DGKB: variants seen among roughly 807,000 people sequenced by gnomAD.
DGKB encodes diacylglycerol kinase beta.
Under a neutral mutation model 114.3 loss-of-function variants are expected in DGKB, and 67 were observed. That is an observed-to-expected ratio of 0.59 (90% CI 0.48 to 0.72). DGKB has a LOEUF of 0.72. Ranked by LOEUF, DGKB falls within the 30% of genes least tolerant of loss-of-function variation. The pLI is 0.00. For synonymous variants in DGKB, 398 were observed against 323.1 expected, an observed-to-expected ratio of 1.23 and a Z score of -2.49; for missense variants, 907 against 975.2, an observed-to-expected ratio of 0.93 and a Z score of 0.93.
chr7:14,561,306 T>C (rs1202628270), intron 20 of DGKB, among the ~76,000 whole-genome samples: 1 of 152,194 alleles, frequency 6.6e-6, no homozygotes, highest in African/African-American at 2.4e-5. Context: ...TCTCCAGCCA[T>C]GTGAATCTGT....
chr7:14,533,286 A>T (rs796935322), intron 20 of DGKB, among the ~76,000 whole-genome samples: 65 of 151,934 alleles, frequency 4.3e-4, no homozygotes, highest in African/African-American at 1.5e-3. Flanking sequence ...AAAGAACAGT[A>T]GATTCAATTA....
chr7:14,749,111 T>C (rs940109508), intron 4 of DGKB, among the ~76,000 whole-genome samples: 5 of 152,208 alleles, frequency 3.3e-5, no homozygotes, highest in Non-Finnish European at 5.9e-5. Context: ...AGCAAAAGTA[T>C]ATTGATTAAA....
At position 14,932,480 on chromosome 7, in the gene DGKB, G is replaced by A. The variant is rs964454837; in HGVS notation, c.-188+42216C>T. 7.9e-5 allele frequency among the ~76,000 whole-genome samples: 12 copies of A among 152,178 alleles called. No individual in the cohort carries two copies. The South Asian group carries it at 1.9e-3, about 24-fold the overall frequency. ...TTACCTAAACTACTAATAGTTCTTC[G>A]TAATGAACATCATTAGTCAGATTAT... On this transcript the variant is annotated intron_variant, in intron 1 of 4. Coordinates refer to the DGKB transcript ENST00000437998.
chr7:14,270,580 T>G (rs1345389075), intron 23 of DGKB, among the ~76,000 whole-genome samples: 1 of 152,212 alleles, frequency 6.6e-6, no homozygotes, highest in Non-Finnish European at 1.5e-5. Flanking sequence ...GCAATCTGAG[T>G]CTTTGTCCAT....
chr7:14,688,677 C>T (rs368289625), intron 9 of DGKB, among the ~76,000 whole-genome samples: 1 of 152,178 alleles, frequency 6.6e-6, no homozygotes, highest in African/African-American at 2.4e-5. Flanking sequence ...GAATCCTAGG[C>T]TACTCCATGC....
At chr7:14,812,569 T>C (rs1302292591) in intron 2 of DGKB, among the ~76,000 whole-genome samples, 1 of 152,168 alleles carries the variant, frequency 6.6e-6, no homozygotes, top group Non-Finnish European at 1.5e-5. Flanking sequence ...TGTAGAAATA[T>C]CAGCATACTG....
chr7:14,849,516 G>A (rs1297103432), intron 1 of DGKB, among the ~76,000 whole-genome samples: 1 of 151,892 alleles, frequency 6.6e-6, no homozygotes, highest in Non-Finnish European at 1.5e-5. Flanking sequence ...CCAGATGCTG[G>A]CACCTAGATC....
chr7:14,266,063 G>T (rs539952027), intron 23 of DGKB, among the ~76,000 whole-genome samples: 1 of 152,216 alleles, frequency 6.6e-6, no homozygotes, highest in African/African-American at 2.4e-5. Flanking sequence ...TACATAAAAG[G>T]CAACCTTTTC....
chr7:14,768,993 A>T (rs1836873818), intron 2 of DGKB, among the ~76,000 whole-genome samples: 1 of 151,710 alleles, frequency 6.6e-6, no homozygotes, highest in Non-Finnish European at 1.5e-5. Flanking sequence ...ATGATTTATG[A>T]TGTATCTTAG....
Position 14,553,865 on chromosome 7 carries a change from C to CTTTTTTTTT in DGKB, c.1770+20338_1770+20346dup, listed in dbSNP as rs58879064. Among the ~76,000 whole-genome samples, 169 of 71,238 alleles carry CTTTTTTTTT rather than the reference C, an allele frequency of 2.4e-3. 17 individuals are homozygous for CTTTTTTTTT. The highest frequency in any genetic ancestry group is 3.7e-3 in the East Asian group (9 of 2,406). The allele number at this position is 71,238 out of a possible 152,430, so 46.7% of individuals were successfully genotyped here. On this transcript the variant is annotated intron_variant, in intron 20 of 25. Transcript: ENST00000402815. ...ATATATTTGTGTGCTCCTTTACATG[C>CTTTTTTTTT]TTTTTTTTTTTTTTTTTTTTTTTTT...
intron 6 of DGKB, 136 bp from the exon 7 acceptor site, chr7:14,701,866 G>A (rs1825250701): frequency 5.0e-6 from 3 of 604,676 alleles, no homozygotes; most frequent in South Asian, 4.3e-5. Context: ...ATTAATTTGT[G>A]GGATTATTTC....
chr7:14,261,221 G>A (rs1270728421), intron 23 of DGKB, among the ~76,000 whole-genome samples: 10 of 150,884 alleles, frequency 6.6e-5, no homozygotes, highest in African/African-American at 7.3e-5. Context: ...CAAATATTAC[G>A]GTGGGAAAAA....
chr7:14,306,756 C>G (rs796683449), intron 23 of DGKB, among the ~76,000 whole-genome samples: 3 of 152,230 alleles, frequency 2.0e-5, no homozygotes, highest in African/African-American at 7.2e-5. Context: ...TATGAGCCCT[C>G]ATGGTGCTTA....
intron 21 of DGKB, among the ~76,000 whole-genome samples, chr7:14,377,886 C>G (rs1818757974): frequency 6.6e-6 from 1 of 152,160 alleles, no homozygotes; most frequent in Non-Finnish European, 1.5e-5. Context: ...ATCAAAGACT[C>G]TTTGTGGACA....
chr7:14,514,223 C>G (rs1471528114), intron 20 of DGKB, among the ~76,000 whole-genome samples: 1 of 151,880 alleles, frequency 6.6e-6, no homozygotes, highest in African/African-American at 2.4e-5. Flanking sequence ...ATTTGATTTT[C>G]TTGTTGAACC....
intron 1 of DGKB, among the ~76,000 whole-genome samples, chr7:14,970,003 G>T (rs1351841893): frequency 2.0e-5 from 3 of 152,120 alleles, no homozygotes; most frequent in African/African-American, 7.2e-5. Context: ...CCTTGTACAT[G>T]CAGTCCATCC....
intron 17 of DGKB, among the ~76,000 whole-genome samples, chr7:14,592,109 G>GTA (rs1414716341): frequency 1.3e-5 from 2 of 151,578 alleles, no homozygotes; most frequent in African/African-American, 4.8e-5. Flanking sequence ...GCTCTAAGTA[G>GTA]TATATATATT....
chr7:14,178,907 C>A (rs143411172), intron 23 of DGKB, among the ~76,000 whole-genome samples: 2 of 152,016 alleles, frequency 1.3e-5, no homozygotes, highest in Non-Finnish European at 2.9e-5. Context: ...TATATTATCT[C>A]ATTTGCTCCT....
intron 2 of DGKB, among the ~76,000 whole-genome samples, chr7:14,831,792 T>C (rs193089536): frequency 1.1e-3 from 171 of 152,202 alleles, no homozygotes; most frequent in African/African-American, 4.1e-3. Flanking sequence ...GTAAAATGCC[T>C]TTTTGAGTAT....
Sources: gnomAD v4.1 joint callset for allele counts (sites outside exome capture counted in the v4.1 genomes callset) on GRCh38, gnomAD v4.1.1 for gene constraint, MANE v1.5 for transcripts, NCBI Gene and HGNC (gene_info 2026-07-23, HGNC 2026-07-21) for gene names.